Variants in SYNCRIP observed in about 807,000 individuals in gnomAD.
The protein encoded by SYNCRIP is heterogeneous nuclear ribonucleoprotein Q.
In SYNCRIP, 9 loss-of-function variants were observed where a neutral mutation model predicts 68.9. That is an observed-to-expected ratio of 0.13 (90% CI 0.08 to 0.23). The LOEUF (loss-of-function observed/expected upper bound fraction) is 0.23, where lower values mean the gene tolerates loss of function less well. Among genes scored for constraint, SYNCRIP ranks in the 10% least tolerant of loss-of-function variants. The pLI is 1.00. For missense variants in SYNCRIP, 414 were observed against 770.6 expected, an observed-to-expected ratio of 0.54 and a Z score of 5.48; for synonymous variants, 258 against 254.0, an observed-to-expected ratio of 1.02 and a Z score of -0.15.
downstream of SYNCRIP, chr6:85,609,031 T>C (rs1014707127): frequency 2.0e-5 from 3 of 151,962 alleles, no homozygotes; most frequent in African/African-American, 7.2e-5. Flanking sequence ...CTTAAAACAA[T>C]ATCCCCACAA....
At chr6:85,642,179 C>T (rs934843647) in intron 1 of SYNCRIP, among the ~76,000 whole-genome samples, 1 of 152,204 alleles carries the variant, frequency 6.6e-6, no homozygotes, top group Non-Finnish European at 1.5e-5. Flanking sequence ...AACACCGAGG[C>T]ACCGGCGGCG....
chr6:85,635,993 T>G (rs892851137), intron 6 of SYNCRIP, among the ~76,000 whole-genome samples: 1 of 152,068 alleles, frequency 6.6e-6, no homozygotes, highest in African/African-American at 2.4e-5. Context: ...TAGTGAGCTA[T>G]CTTGTACAAA....
chr6:85,608,896 C>T (rs550828962), exon 12 of SYNCRIP: 3 of 151,798 alleles, frequency 2.0e-5, no homozygotes, highest in Non-Finnish European at 4.4e-5. Flanking sequence ...AGTGACAGAC[C>T]CCAAAAGTCC....
intron 4 of SYNCRIP, among the ~76,000 whole-genome samples, chr6:85,639,250 C>T (rs1343151585): frequency 6.6e-6 from 1 of 151,984 alleles, no homozygotes. Context: ...AAGCCACCCC[C>T]TTGCAAAAAA....
intron 10 of SYNCRIP, among the ~76,000 whole-genome samples, chr6:85,616,992 G>A (rs534551836): frequency 6.6e-6 from 1 of 152,096 alleles, no homozygotes; most frequent in Non-Finnish European, 1.5e-5. Context: ...ACAGAGATGA[G>A]AAATCCTGGT....
intron 10 of SYNCRIP, among the ~76,000 whole-genome samples, chr6:85,617,713 T>A (rs186217635): frequency 1.2e-3 from 179 of 152,354 alleles, no homozygotes; most frequent in Middle Eastern, 6.8e-3. Flanking sequence ...TAGAACTTGA[T>A]CAATTCCCTG....
chr6:85,637,162 G>C lies in SYNCRIP; in HGVS notation c.490-19C>G. The C allele has an allele frequency of 6.2e-7, 1 of 1,607,210 alleles. No homozygotes were observed. The highest frequency in any genetic ancestry group is 8.5e-7 in the Non-Finnish European group (1 of 1,177,390). On this transcript the variant is annotated intron_variant, in intron 5 of 10. Coordinates refer to ENST00000369622, the MANE Select transcript of SYNCRIP (RefSeq NM_006372.5). The stretch of plus-strand genomic sequence containing the variant: ...CAAATATCTGTAAATTAAATATTAA[G>C]TAAAAACCATGGAGAATTGCTTTAG...
chr6:85,618,378 TA>T (rs536161654), intron 10 of SYNCRIP, among the ~76,000 whole-genome samples: 56 of 140,482 alleles, frequency 4.0e-4, no homozygotes, highest in Admixed American at 9.3e-4. Flanking sequence ...CCACCCCTAC[TA>T]AAAAAAAAAA....
At position 85,637,016 on chromosome 6, in the gene SYNCRIP, G is replaced by A. The variant is rs1003473858; in HGVS notation, c.617C>T (p.Ala206Val). The A allele has an allele frequency of 1.2e-6, 2 of 1,613,378 alleles. No homozygotes were observed. Among genetic ancestry groups the A allele is most frequent in the Non-Finnish European group, 1.7e-6 (2 of 1,179,900 alleles). The change falls in exon 6 of 11, where the codon GCG becomes GTG. Residue 206 changes from alanine to valine, a missense_variant. Transcript: ENST00000369622. ...TTCTTTTGTACAAAAAGTGACAAAC[G>A]CATAACCTCTATTGAGACCAGTGAG... Reference protein sequence around the residue: ...DPLTGLNRGYAFVTFCTKEAA... With the variant: ...DPLTGLNRGYVFVTFCTKEAA...
chr6:85,638,083 A>G (rs1257698254), intron 4 of SYNCRIP, among the ~76,000 whole-genome samples: 1 of 152,160 alleles, frequency 6.6e-6, no homozygotes, highest in African/African-American at 2.4e-5. Flanking sequence ...AAGTATAGAA[A>G]GAAGTATAGG....
At chr6:85,620,948 G>A (rs1337179951) in intron 8 of SYNCRIP, among the ~76,000 whole-genome samples, 2 of 152,186 alleles carry the variant, frequency 1.3e-5, no homozygotes, top group Admixed American at 6.5e-5. Flanking sequence ...CTTAACAAGA[G>A]TGGCCAAAAC....
At chr6:85,641,183 C>T in intron 2 of SYNCRIP, 109 bp downstream of exon 2, 1 of 820,658 alleles carries the variant, frequency 1.2e-6, no homozygotes, top group South Asian at 1.7e-5. Flanking sequence ...ACAAGCAAAA[C>T]TCCAGTACCC....
intron 2 of SYNCRIP, among the ~76,000 whole-genome samples, 157 bp downstream of exon 2, chr6:85,641,135 T>C (rs968135772): frequency 2.0e-5 from 3 of 152,142 alleles, no homozygotes; most frequent in African/African-American, 7.2e-5. Flanking sequence ...CTATACATCT[T>C]AACCTCTACT....
At chr6:85,624,164 C>A in intron 6 of SYNCRIP, 52 bp from the exon 7 acceptor site, 2 of 1,536,744 alleles carry the variant, frequency 1.3e-6, no homozygotes, top group African/African-American at 1.4e-5. Flanking sequence ...ACAACTAGAA[C>A]AGTTAATTAT....
intron 6 of SYNCRIP, among the ~76,000 whole-genome samples, chr6:85,632,518 C>T (rs992676510): frequency 1.3e-5 from 2 of 152,126 alleles, no homozygotes; most frequent in Admixed American, 6.5e-5. Context: ...CAAAAAACAT[C>T]CAAAAAAACT....
At position 85,614,079 on chromosome 6, in the gene SYNCRIP, A is replaced by G; in HGVS notation, c.*677T>C. 1 of 985,898 alleles carries G rather than the reference A, an allele frequency of 1.0e-6. No individual in the cohort carries two copies. Among genetic ancestry groups the G allele is most frequent in the Non-Finnish European group, 1.2e-6 (1 of 829,940 alleles). 61.1% of individuals were successfully genotyped at this position (985,898 alleles called of 1,614,324 possible). ...AAACTGCAATAAATCAGTGTTGTGTAATGTGCAGACATATTCCACACAAGA... is the reference window on the plus strand; with the variant it reads ...AAACTGCAATAAATCAGTGTTGTGTGATGTGCAGACATATTCCACACAAGA... On this transcript the variant is annotated 3_prime_UTR_variant, in exon 11 of 11. Coordinates refer to ENST00000369622, the MANE Select transcript of SYNCRIP (RefSeq NM_006372.5).
At chr6:85,637,863 T>C (rs1183905941) in intron 4 of SYNCRIP, among the ~76,000 whole-genome samples, 2 of 151,960 alleles carry the variant, frequency 1.3e-5, no homozygotes, top group Admixed American at 1.3e-4. Flanking sequence ...GGAAAAAAAA[T>C]CTCCTATTAT....
intron 6 of SYNCRIP, among the ~76,000 whole-genome samples, chr6:85,630,805 G>C (rs186300764): frequency 8.5e-5 from 13 of 152,080 alleles, no homozygotes; most frequent in Admixed American, 3.9e-4. Flanking sequence ...AAATGTTAGG[G>C]AAAAAGGAAA....
At chr6:85,628,805 G>A (rs1188245945) in intron 6 of SYNCRIP, among the ~76,000 whole-genome samples, 1 of 152,154 alleles carries the variant, frequency 6.6e-6, no homozygotes, top group Non-Finnish European at 1.5e-5. Flanking sequence ...GCTATCAAAA[G>A]TTTTTCAGAT....
Sources: allele counts gnomAD v4.1 joint callset (sites outside exome capture counted in the v4.1 genomes callset), GRCh38; gene constraint gnomAD v4.1.1; transcripts MANE v1.5; gene names NCBI Gene and HGNC (gene_info 2026-07-23, HGNC 2026-07-21).